LTBP2: variants seen among roughly 807,000 people sequenced by gnomAD.
LTBP2 encodes the protein latent-transforming growth factor beta-binding protein 2.
LTBP2 carries 103 observed loss-of-function variants against 210.6 expected under a neutral mutation model. The ratio of observed to expected loss-of-function variants is 0.49; its 90% CI spans 0.42 to 0.58. The LOEUF (loss-of-function observed/expected upper bound fraction) is 0.58, where lower values mean the gene tolerates loss of function less well. LTBP2 is among the 20% of genes least tolerant of loss of function. The pLI, the probability that LTBP2 is intolerant of heterozygous loss-of-function variation, is 0.00. For synonymous variants in LTBP2, 1,007 were observed against 1,015.0 expected (o/e 0.99, Z 0.15); for missense variants, 2,313 against 2,494.5 (o/e 0.93, Z 1.55).
intron 9 of LTBP2, 119 bp from the exon 10 acceptor site, chr14:74,532,667 T>C (rs2087367279): frequency 6.8e-6 from 8 of 1,169,934 alleles, no homozygotes; most frequent in Admixed American, 2.0e-5. Flanking sequence ...AGAGCTGCTA[T>C]GTATTCAGTG....
At chr14:74,545,470 G>A (rs896128730) in intron 8 of LTBP2, among the ~76,000 whole-genome samples, 1 of 152,218 alleles carries the variant, frequency 6.6e-6, no homozygotes, top group Non-Finnish European at 1.5e-5. Context: ...GAGATACAGA[G>A]GGCCCTGGGT....
intron 18 of LTBP2, among the ~76,000 whole-genome samples, chr14:74,516,352 C>T (rs955295441): frequency 2.8e-5 from 2 of 71,546 alleles, no homozygotes; most frequent in African/African-American, 7.1e-5. Context: ...TCTGGAATCC[C>T]TCCCTCCCTC....
At chr14:74,538,269 A>G (rs563284133) in intron 8 of LTBP2, among the ~76,000 whole-genome samples, 95 of 152,172 alleles carry the variant, frequency 6.2e-4, no homozygotes, top group African/African-American at 2.0e-3. Context: ...GCCTACATCA[A>G]TCTGTATTTC....
intron 2 of LTBP2, among the ~76,000 whole-genome samples, chr14:74,592,149 G>A (rs1464702226): frequency 2.0e-5 from 3 of 152,110 alleles, no homozygotes; most frequent in East Asian, 3.8e-4. Context: ...TATGCCAAAT[G>A]AGCATGATTT....
At chr14:74,598,143 G>A (rs774764270) in intron 2 of LTBP2, among the ~76,000 whole-genome samples, 1 of 152,228 alleles carries the variant, frequency 6.6e-6, no homozygotes, top group Admixed American at 6.5e-5. Flanking sequence ...AACTCAGGGA[G>A]CCTGACTCCA....
rs773605298 is a variant in LTBP2, at chr14:74,506,870, TGTGTGTGTGCGCGCGCGC to T, written c.3908-65_3908-48del. The T allele has an allele frequency of 4.5e-6, 7 of 1,550,520 alleles. No individual in the cohort carries two copies. In the East Asian group the frequency reaches 9.6e-5, roughly 21 times the overall value. On this transcript the variant is annotated intron_variant, in intron 26 of 35. Coordinates refer to ENST00000261978, the MANE Select transcript of LTBP2 (RefSeq NM_000428.3). ...GATAGAGGATGTGTGTGTGTGTGTG[TGTGTGTGTGCGCGCGCGC>T]GTGTGTGCTCACTCTCTCACACGCA...
intron 10 of LTBP2, among the ~76,000 whole-genome samples, chr14:74,530,203 C>A (rs2139720754): frequency 6.6e-6 from 1 of 152,332 alleles, no homozygotes. Context: ...GAGGCTGACG[C>A]CTTTCTGGCT....
chr14:74,511,222 G>A, intron 19 of LTBP2, 23 bp downstream of exon 19: 1 of 1,613,570 alleles, frequency 6.2e-7, no homozygotes, highest in Non-Finnish European at 8.5e-7. Flanking sequence ...GGCTGGCTCA[G>A]TGCCTTGGCC....
chr14:74,503,817 C>T (rs1212432897), intron 31 of LTBP2, 109 bp downstream of exon 31: 13 of 1,517,056 alleles, frequency 8.6e-6, no homozygotes, highest in Admixed American at 1.9e-5. Context: ...TGGGCGGCCT[C>T]CCTAGGAAGG....
intron 3 of LTBP2, among the ~76,000 whole-genome samples, chr14:74,577,274 G>A (rs980593350): frequency 6.6e-6 from 1 of 152,206 alleles, no homozygotes; most frequent in African/African-American, 2.4e-5. Context: ...TAACCCCGCA[G>A]AGAAAGAGAA....
intron 26 of LTBP2, 81 bp from the exon 27 acceptor site, chr14:74,506,904 C>G (rs892920212): frequency 6.9e-7 from 1 of 1,451,518 alleles, no homozygotes; most frequent in African/African-American, 1.4e-5. Flanking sequence ...TGCTCACTCT[C>G]TCACACGCAT....
chr14:74,540,838 T>TTTATATATA, intron 8 of LTBP2, among the ~76,000 whole-genome samples: 1 of 15,134 alleles, frequency 6.6e-5, no homozygotes, highest in South Asian at 2.2e-3. Flanking sequence ...ATAATATATA[T>TTTATATATA]TTATATATAT....
intron 18 of LTBP2, among the ~76,000 whole-genome samples, chr14:74,512,978 A>G (rs2087090882): frequency 6.6e-6 from 1 of 152,262 alleles, no homozygotes; most frequent in Non-Finnish European, 1.5e-5. Context: ...AATGAGCAGC[A>G]ATCCCTGTTT....
At chr14:74,566,997 G>C (rs912180408) in intron 3 of LTBP2, among the ~76,000 whole-genome samples, 1 of 152,230 alleles carries the variant, frequency 6.6e-6, no homozygotes, top group Non-Finnish European at 1.5e-5. Context: ...TGTGGGTGGG[G>C]AGGAGGTAGA....
chr14:74,525,897 C>G lies in LTBP2; in HGVS notation c.2428+178G>C, dbSNP rs563335540. Among the ~76,000 whole-genome samples the G allele has an allele frequency of 9.2e-4, 140 of 152,350 alleles. 1 individual carries two copies. Among genetic ancestry groups the G allele is most frequent in the African/African-American group, 3.1e-3 (128 of 41,584 alleles). ...GTCATGGGGTCTCTCGCTGACTTCA[C>G]AGCACCTTAGGTGTATAGAGAGCTC... On this transcript the variant is annotated intron_variant, in intron 14 of 35. Coordinates refer to ENST00000261978, the MANE Select transcript of LTBP2 (RefSeq NM_000428.3).
chr14:74,521,280 A>G (rs903327591), intron 17 of LTBP2, among the ~76,000 whole-genome samples: 2 of 152,206 alleles, frequency 1.3e-5, no homozygotes, highest in Non-Finnish European at 2.9e-5. Flanking sequence ...ATGAATCTTA[A>G]GGTGTTGCTT....
chr14:74,518,911 G>A (rs558456225), intron 17 of LTBP2, among the ~76,000 whole-genome samples: 44 of 152,316 alleles, frequency 2.9e-4, no homozygotes, highest in African/African-American at 8.4e-4. Context: ...AGACAGAGCC[G>A]TATGTGGGAA....
At chr14:74,581,976 C>T (rs2088142433) in intron 3 of LTBP2, among the ~76,000 whole-genome samples, 2 of 151,968 alleles carry the variant, frequency 1.3e-5, no homozygotes, top group African/African-American at 2.4e-5. Context: ...TGCCTTCAGG[C>T]CCCTTGTTGC....
chr14:74,510,072 C>A lies in LTBP2; in HGVS notation c.3151+19G>T, dbSNP rs370739055. On this transcript the variant is annotated intron_variant, in intron 20 of 35. Coordinates refer to ENST00000261978, the MANE Select transcript of LTBP2 (RefSeq NM_000428.3). The stretch of plus-strand genomic sequence containing the variant: ...GCTGGATCGGCCTGCGGAGAAGGGG[C>A]GCTTCAGCATCTCTGTACCTTGGCA... 3.2e-5 allele frequency: 51 copies of A among 1,613,712 alleles called. No homozygotes were observed. Among genetic ancestry groups the A allele is most frequent in the Non-Finnish European group, 4.2e-5 (50 of 1,179,958 alleles).
Sources: allele counts gnomAD v4.1 joint callset (sites outside exome capture counted in the v4.1 genomes callset), GRCh38; gene constraint gnomAD v4.1.1; transcripts MANE v1.5; gene names NCBI Gene and HGNC (gene_info 2026-07-23, HGNC 2026-07-21).